UVRAG: variants seen among roughly 807,000 people sequenced by gnomAD.
UVRAG encodes the protein UV radiation resistance associated.
UVRAG carries 19 observed loss-of-function variants against 78.0 expected under a neutral mutation model. That is an observed-to-expected ratio of 0.24 (90% CI 0.17 to 0.36). UVRAG has a LOEUF of 0.36. UVRAG is among the 10% of genes least tolerant of loss of function. The pLI, the probability that UVRAG is intolerant of heterozygous loss-of-function variation, is 1.00. For synonymous variants in UVRAG, 323 were observed against 324.6 expected, an observed-to-expected ratio of 1.00 and a Z score of 0.05; for missense variants, 740 against 853.8, an observed-to-expected ratio of 0.87 and a Z score of 1.66.
intron 6 of UVRAG, among the ~76,000 whole-genome samples, chr11:75,939,494 C>A (rs765991919): frequency 6.6e-6 from 1 of 152,168 alleles, no homozygotes; most frequent in East Asian, 1.9e-4. Flanking sequence ...TTGGCCTTCC[C>A]GTTGAATGTC....
intron 6 of UVRAG, among the ~76,000 whole-genome samples, chr11:75,945,716 C>T (rs1232214713): frequency 2.0e-5 from 3 of 152,100 alleles, no homozygotes; most frequent in African/African-American, 7.2e-5. Context: ...TCATCTCTTG[C>T]CATCCTCTCC....
intron 3 of UVRAG, among the ~76,000 whole-genome samples, chr11:75,865,107 G>A (rs1946508409): frequency 6.6e-6 from 1 of 151,984 alleles, no homozygotes; most frequent in East Asian, 1.9e-4. Flanking sequence ...GACCAACATG[G>A]AGAATCCCCA....
intron 12 of UVRAG, among the ~76,000 whole-genome samples, chr11:76,043,485 G>T (rs924903349): frequency 6.6e-6 from 1 of 152,040 alleles, no homozygotes; most frequent in Non-Finnish European, 1.5e-5. Context: ...TTGATATATT[G>T]GTATGTGTCT....
At chr11:75,910,537 A>AT (rs1947712308) in intron 5 of UVRAG, among the ~76,000 whole-genome samples, 1 of 113,666 alleles carries the variant, frequency 8.8e-6, no homozygotes. Flanking sequence ...ATTCCTTTTT[A>AT]TCTTTTTTTT....
chr11:75,898,417 A>G (rs928769921), intron 5 of UVRAG, among the ~76,000 whole-genome samples: 3 of 152,020 alleles, frequency 2.0e-5, no homozygotes, highest in Non-Finnish European at 4.4e-5. Flanking sequence ...TAGTTTTTTG[A>G]ATTGTCTATC....
chr11:75,855,041 G>C (rs574301278), intron 2 of UVRAG, among the ~76,000 whole-genome samples: 1 of 152,214 alleles, frequency 6.6e-6, no homozygotes, highest in Non-Finnish European at 1.5e-5. Context: ...GAAAATGATA[G>C]CAATTATTAT....
At chr11:75,854,271 C>T (rs182066591) in intron 2 of UVRAG, among the ~76,000 whole-genome samples, 1 of 152,244 alleles carries the variant, frequency 6.6e-6, no homozygotes, top group Admixed American at 6.5e-5. Context: ...CTAGTTTGGG[C>T]TGCTGGTGTC....
rs1392862685 is a variant in UVRAG, at chr11:76,136,126, T to C, written c.1398-4585T>C. Among the ~76,000 whole-genome samples, 5 of 152,214 alleles carry C rather than the reference T, an allele frequency of 3.3e-5. No individual in the cohort carries two copies. The East Asian group carries it at 9.6e-4, about 29-fold the overall frequency. On this transcript the variant is annotated intron_variant, in intron 14 of 14. Transcript: ENST00000356136. ...GAATATTCTGTTTTGAACTATTATT[T>C]GCCTTTTCAATTCCTCCCTTTCTCT...
chr11:75,937,562 A>G (rs1336818365), intron 6 of UVRAG, among the ~76,000 whole-genome samples: 1 of 152,128 alleles, frequency 6.6e-6, no homozygotes, highest in Non-Finnish European at 1.5e-5. Flanking sequence ...TTAATTCTTT[A>G]AAGATGTTGC....
chr11:76,042,952 G>A (rs555362263), intron 12 of UVRAG, among the ~76,000 whole-genome samples: 2 of 152,204 alleles, frequency 1.3e-5, no homozygotes, highest in East Asian at 3.9e-4. Flanking sequence ...GGAAGACCTG[G>A]GTCCCAATTA....
intron 14 of UVRAG, 32 bp from the exon 15 acceptor site, chr11:76,140,679 A>G: frequency 1.3e-6 from 2 of 1,535,836 alleles, no homozygotes; most frequent in Non-Finnish European, 1.7e-6. Flanking sequence ...TCTGAAGTCC[A>G]AAGTAACTTC....
chr11:76,050,464 A>G (rs527981602), intron 12 of UVRAG, among the ~76,000 whole-genome samples: 56 of 152,306 alleles, frequency 3.7e-4, no homozygotes, highest in African/African-American at 9.9e-4. Flanking sequence ...CTTAACACCC[A>G]TGTCCTCAAG....
At chr11:75,945,649 G>A (rs749242526) in intron 6 of UVRAG, among the ~76,000 whole-genome samples, 11 of 151,980 alleles carry the variant, frequency 7.2e-5, no homozygotes, top group East Asian at 3.9e-4. Context: ...TGAGAGTAAA[G>A]CTCCTTATCC....
chr11:76,060,952 G>A (rs567885164), intron 12 of UVRAG, among the ~76,000 whole-genome samples: 136 of 152,362 alleles, frequency 8.9e-4, no homozygotes, highest in African/African-American at 3.1e-3. Flanking sequence ...GAGTGCGGGC[G>A]CATGGCGCGG....
At chr11:75,846,934 C>T (rs1415027948) in intron 1 of UVRAG, among the ~76,000 whole-genome samples, 1 of 152,182 alleles carries the variant, frequency 6.6e-6, no homozygotes, top group Admixed American at 6.5e-5. Flanking sequence ...GGCGATTCTC[C>T]TGCCTTAGCC....
intron 14 of UVRAG, among the ~76,000 whole-genome samples, chr11:76,139,944 T>G (rs1267108051): frequency 6.6e-6 from 1 of 151,520 alleles, no homozygotes; most frequent in East Asian, 1.9e-4. Flanking sequence ...AACATATGTG[T>G]GGCTAGCCCC....
intron 12 of UVRAG, among the ~76,000 whole-genome samples, chr11:76,055,913 G>A (rs544016576): frequency 2.0e-5 from 3 of 152,248 alleles, no homozygotes; most frequent in Admixed American, 6.5e-5. Context: ...GTTTCACTGT[G>A]TTAGCCAGGA....
chr11:76,142,360 G>A lies in UVRAG; in HGVS notation c.*947G>A, dbSNP rs1952738857. 1 of 152,290 alleles carries A rather than the reference G, an allele frequency of 6.6e-6. No individual in the cohort carries two copies. The highest frequency in any genetic ancestry group is 2.4e-5 in the African/African-American group (1 of 41,464). 9.4% of individuals were successfully genotyped at this position (152,290 alleles called of 1,614,324 possible). On this transcript the variant is annotated 3_prime_UTR_variant, in exon 15 of 15. Coordinates refer to ENST00000356136, the MANE Select transcript of UVRAG (RefSeq NM_003369.4). The stretch of plus-strand genomic sequence containing the variant: ...TCAGTCAGAAGGTCAGCATTTACAT[G>A]ACAGAATGTATGTAGAGAGTTGGGG...
chr11:75,883,146 A>G (rs1420685179), intron 4 of UVRAG, among the ~76,000 whole-genome samples: 1 of 152,096 alleles, frequency 6.6e-6, no homozygotes, highest in Non-Finnish European at 1.5e-5. Context: ...TCTATATTTC[A>G]TGGAGGATGG....
Sources: allele counts gnomAD v4.1 joint callset (sites outside exome capture counted in the v4.1 genomes callset), GRCh38; gene constraint gnomAD v4.1.1; transcripts MANE v1.5; gene names NCBI Gene and HGNC (gene_info 2026-07-23, HGNC 2026-07-21).